RBFOX1: variants seen among roughly 807,000 people sequenced by gnomAD.
RBFOX1 encodes the protein RNA binding protein fox-1 homolog 1.
In RBFOX1, 8 loss-of-function variants were observed where a neutral mutation model predicts 57.7. The ratio of observed to expected loss-of-function variants is 0.14; its 90% CI spans 0.08 to 0.25. The LOEUF (loss-of-function observed/expected upper bound fraction) is 0.25. Ranked by LOEUF, RBFOX1 falls within the 10% of genes least tolerant of loss-of-function variation. RBFOX1 has a pLI of 1.00. For synonymous variants in RBFOX1, 326 were observed against 222.4 expected (o/e 1.47, Z -4.15); for missense variants, 611 against 548.5 (o/e 1.11, Z -1.14).
intron 2 of RBFOX1, among the ~76,000 whole-genome samples, chr16:6,497,793 G>C (rs2095813202): frequency 6.6e-6 from 1 of 151,926 alleles, no homozygotes; most frequent in African/African-American, 2.4e-5. Context: ...CTGACCTCAA[G>C]TGATCCACCC....
chr16:5,634,910 C>T (rs896419273), intron 3 of RBFOX1, among the ~76,000 whole-genome samples: 4 of 152,144 alleles, frequency 2.6e-5, no homozygotes, highest in African/African-American at 4.8e-5. Context: ...TATTCCAGGA[C>T]GGATTCTGAT....
intron 1 of RBFOX1, among the ~76,000 whole-genome samples, chr16:5,435,519 G>T (rs1003854783): frequency 6.6e-6 from 1 of 152,202 alleles, no homozygotes; most frequent in Admixed American, 6.5e-5. Flanking sequence ...AGATGGGTCA[G>T]TGTCTTCAGT....
chr16:6,375,745 C>G (rs539700229), intron 2 of RBFOX1, among the ~76,000 whole-genome samples: 1 of 152,028 alleles, frequency 6.6e-6, no homozygotes, highest in Admixed American at 6.5e-5. Context: ...TCTGACGGAG[C>G]GAGAATGAGT....
chr16:5,434,743 TACCTTGTC>T (rs1309437033), intron 1 of RBFOX1, among the ~76,000 whole-genome samples: 1 of 152,228 alleles, frequency 6.6e-6, no homozygotes, highest in Non-Finnish European at 1.5e-5. Context: ...TTATTTGCAA[TACCTTGTC>T]CTTTGTCTTA....
At chr16:7,054,072 C>A (rs976512509) in intron 4 of RBFOX1, among the ~76,000 whole-genome samples, 1 of 151,432 alleles carries the variant, frequency 6.6e-6, no homozygotes, top group South Asian at 2.1e-4. Context: ...TTTTCTTCTG[C>A]CCTCTTCATT....
At chr16:6,819,645 C>A (rs750031460) in intron 3 of RBFOX1, among the ~76,000 whole-genome samples, 2 of 125,594 alleles carry the variant, frequency 1.6e-5, no homozygotes, top group Non-Finnish European at 3.1e-5. Flanking sequence ...GCGGAGGTTG[C>A]AGTGAGCCAG....
chr16:6,414,542 G>C (rs531465141), intron 2 of RBFOX1, among the ~76,000 whole-genome samples: 1 of 152,304 alleles, frequency 6.6e-6, no homozygotes, highest in East Asian at 1.9e-4. Flanking sequence ...GCAGTGACAA[G>C]TGCAAAGAAG....
intron 2 of RBFOX1, among the ~76,000 whole-genome samples, chr16:5,522,021 C>G (rs1033919841): frequency 1.3e-5 from 2 of 152,164 alleles, no homozygotes; most frequent in African/African-American, 2.4e-5. Context: ...TCTCTGTATT[C>G]CCAGCACCCG....
intron 3 of RBFOX1, among the ~76,000 whole-genome samples, chr16:5,828,235 C>G (rs140332568): frequency 2.1e-4 from 32 of 152,114 alleles, no homozygotes; most frequent in Admixed American, 2.0e-4. Flanking sequence ...ATTCAACCAC[C>G]CACAAATCTA....
intron 4 of RBFOX1, among the ~76,000 whole-genome samples, chr16:7,172,870 C>G (rs2080970934): frequency 6.6e-6 from 1 of 152,088 alleles, no homozygotes; most frequent in Non-Finnish European, 1.5e-5. Flanking sequence ...GGTTATCTGC[C>G]TCAATTTGAA....
chr16:5,888,124 C>G (rs758686377), intron 4 of RBFOX1, among the ~76,000 whole-genome samples: 1 of 152,184 alleles, frequency 6.6e-6, no homozygotes, highest in South Asian at 2.1e-4. Context: ...TCCACTTGCT[C>G]ATTCCCCAGC....
intron 2 of RBFOX1, among the ~76,000 whole-genome samples, chr16:6,540,310 T>G (rs1250295408): frequency 1.4e-5 from 2 of 147,648 alleles, no homozygotes; most frequent in African/African-American, 5.0e-5. Flanking sequence ...TGGCTGGCTG[T>G]AAAAAAAAAA....
chr16:7,112,867 G>A (rs771423096), intron 4 of RBFOX1, among the ~76,000 whole-genome samples: 16 of 152,044 alleles, frequency 1.1e-4, no homozygotes, highest in Non-Finnish European at 1.9e-4. Context: ...CAGCAATAAT[G>A]GGGATGACTG....
chr16:6,396,228 T>A (rs1418805532), intron 2 of RBFOX1, among the ~76,000 whole-genome samples: 1 of 151,990 alleles, frequency 6.6e-6, no homozygotes, highest in Non-Finnish European at 1.5e-5. Context: ...CAACCATAAG[T>A]AGGCAGAAAT....
At chr16:5,942,100 C>G (rs1400373104) in intron 4 of RBFOX1, among the ~76,000 whole-genome samples, 2 of 152,134 alleles carry the variant, frequency 1.3e-5, no homozygotes, top group African/African-American at 2.4e-5. Context: ...GTGGGTTCTT[C>G]TTGCCTGATG....
At position 5,522,991 on chromosome 16, in the gene RBFOX1, C is replaced by CAA. The variant is rs57131295; in HGVS notation, c.258+55740_258+55741dup. Reference sequence around the variant, plus strand: ...ATAGGCTGTTGTGAATAAAGTGCTGCAAAATCATGGTGGGGGCTGGGCATT... The same window carrying CAA: ...ATAGGCTGTTGTGAATAAAGTGCTGCAAAAAATCATGGTGGGGGCTGGGCATT... On this transcript the variant is annotated intron_variant, in intron 2 of 2. Coordinates refer to the RBFOX1 transcript ENST00000585867. Among the ~76,000 whole-genome samples, 11 of 151,786 alleles carry CAA rather than the reference C, an allele frequency of 7.2e-5. No individual in the cohort carries two copies. In the East Asian group the frequency reaches 1.9e-3, roughly 27 times the overall value.
At chr16:5,713,651 C>T (rs1408754253) in intron 3 of RBFOX1, among the ~76,000 whole-genome samples, 3 of 152,106 alleles carry the variant, frequency 2.0e-5, no homozygotes, top group African/African-American at 7.2e-5. Context: ...GGAATGCTGC[C>T]CACACAGCAG....
At chr16:6,656,888 C>G (rs1772603621) in intron 3 of RBFOX1, among the ~76,000 whole-genome samples, 1 of 149,548 alleles carries the variant, frequency 6.7e-6, no homozygotes, top group African/African-American at 2.5e-5. Context: ...CTCTCCTCTC[C>G]TCTCCTCCCC....
intron 4 of RBFOX1, among the ~76,000 whole-genome samples, chr16:7,357,051 C>G (rs536757519): frequency 6.6e-6 from 1 of 152,160 alleles, no homozygotes; most frequent in Non-Finnish European, 1.5e-5. Flanking sequence ...AGGGATCTAT[C>G]TGCCTTGGAA....
Sources: gnomAD v4.1 joint callset for allele counts (sites outside exome capture counted in the v4.1 genomes callset) on GRCh38, gnomAD v4.1.1 for gene constraint, MANE v1.5 for transcripts, NCBI Gene and HGNC (gene_info 2026-07-23, HGNC 2026-07-21) for gene names.